Variants in RP1L1 observed in about 807,000 individuals in gnomAD.
The protein encoded by RP1L1 is retinitis pigmentosa 1-like 1 protein.
In RP1L1, 27 loss-of-function variants were observed where a neutral mutation model predicts 15.7. The observed-to-expected ratio is 1.72, with a 90% CI of 1.27 to 2.38. RP1L1 has a LOEUF of 2.38. Among genes scored for constraint, RP1L1 ranks in the 30% most tolerant of loss-of-function variants. The probability of loss-of-function intolerance (pLI) is 0.00; values close to 1 mark genes in which losing one functional copy is unlikely to be tolerated. For synonymous variants in RP1L1, 1,813 were observed against 1,276.7 expected, an observed-to-expected ratio of 1.42 and a Z score of -8.96; for missense variants, 4,798 against 3,075.9, an observed-to-expected ratio of 1.56 and a Z score of -13.24.
intron 1 of RP1L1, among the ~76,000 whole-genome samples, chr8:10,627,174 C>T (rs969613176): frequency 2.0e-5 from 3 of 152,106 alleles, no homozygotes; most frequent in Admixed American, 6.5e-5. Context: ...CAAAGGGATA[C>T]GTGTACACCC....
At position 10,610,462 on chromosome 8, in the gene RP1L1, C is replaced by G; in HGVS notation, c.3636G>C (p.Glu1212Asp). Residue 1212 changes from glutamate (E) to aspartate (D), a missense_variant, in exon 4 of 4, where the codon GAG becomes GAC. Glu to Asp is a conservative substitution (Grantham distance 45, BLOSUM62 2). Transcript: ENST00000382483. ...DISSGSGGSGESSVPCAMDGT... is the reference protein window; with the variant it reads ...DISSGSGGSGDSSVPCAMDGT... ...CGTCCATGGCACAGGGTACGCTACT[C>G]TCCCCTGAGCCTCCAGAGCCGCTGC... 1.2e-6 allele frequency: 2 copies of G among 1,613,772 alleles called. No homozygotes were observed. The highest frequency in any genetic ancestry group is 1.7e-6 in the Non-Finnish European group (2 of 1,179,994).
At chr8:10,647,141 C>A (rs755278575) in intron 1 of RP1L1, among the ~76,000 whole-genome samples, 1 of 152,182 alleles carries the variant, frequency 6.6e-6, no homozygotes, top group South Asian at 2.1e-4. Context: ...TCCACTGAGG[C>A]GCCACGGCAG....
At chr8:10,623,317 C>G in intron 1 of RP1L1, 97 bp from the exon 2 acceptor site, 1 of 890,506 alleles carries the variant, frequency 1.1e-6, no homozygotes, top group Non-Finnish European at 1.7e-6. Context: ...CTGCCCACCC[C>G]AAATGTGCTC....
At chr8:10,623,813 A>T (rs1050450675) in intron 1 of RP1L1, among the ~76,000 whole-genome samples, 1 of 150,174 alleles carries the variant, frequency 6.7e-6, no homozygotes, top group African/African-American at 2.5e-5. Flanking sequence ...CATTGCTGTG[A>T]CTCATTGTCA....
At chr8:10,638,780 T>G (rs1432536495) in intron 1 of RP1L1, among the ~76,000 whole-genome samples, 1 of 152,158 alleles carries the variant, frequency 6.6e-6, no homozygotes, top group African/African-American at 2.4e-5. Flanking sequence ...ACCCATTTGC[T>G]GCCCAGTGGA....
chr8:10,618,899 C>G (rs1356180077), intron 2 of RP1L1, among the ~76,000 whole-genome samples: 4 of 151,966 alleles, frequency 2.6e-5, no homozygotes, highest in Admixed American at 6.6e-5. Context: ...TGGAGTCCTG[C>G]TGTGTCACCC....
In RP1L1 at chr8:10,632,584, C is replaced by T. The variant is rs527996388; in HGVS notation, c.-19-9364G>A. Among the ~76,000 whole-genome samples, 432 of 152,314 alleles carry T rather than the reference C, an allele frequency of 2.8e-3. 1 individual carries two copies. Among genetic ancestry groups the T allele is most frequent in the African/African-American group, 9.8e-3 (407 of 41,580 alleles). Reference sequence around the variant, plus strand: ...CCTGCCAACTCACGGCCTGTAGAATCCCCGTGTGTTTACACGCCTTATTTC... The same window carrying T: ...CCTGCCAACTCACGGCCTGTAGAATTCCCGTGTGTTTACACGCCTTATTTC... On this transcript the variant is annotated intron_variant, in intron 1 of 3. Coordinates refer to ENST00000382483, the MANE Select transcript of RP1L1 (RefSeq NM_178857.6).
intron 1 of RP1L1, among the ~76,000 whole-genome samples, chr8:10,635,903 G>A (rs953659914): frequency 4.6e-5 from 7 of 152,226 alleles, no homozygotes; most frequent in African/African-American, 1.7e-4. Flanking sequence ...AAGATCCCCC[G>A]GGTCAGTCTA....
chr8:10,643,358 G>A (rs981734328), intron 1 of RP1L1, among the ~76,000 whole-genome samples: 1 of 152,108 alleles, frequency 6.6e-6, no homozygotes, highest in African/African-American at 2.4e-5. Context: ...AATTGTTTTA[G>A]TATCAGAATG....
rs1019982948 is a variant in RP1L1, at chr8:10,612,735, G to T, written c.1363C>A (p.Pro455Thr). 15 of 1,606,950 alleles carry T rather than the reference G, an allele frequency of 9.3e-6. No homozygotes were observed. Among genetic ancestry groups the T allele is most frequent in the Middle Eastern group, 1.7e-4 (1 of 6,052 alleles). Residue 455 changes from proline (P) to threonine (T), a missense_variant, in exon 4 of 4, where the codon CCA becomes ACA. Transcript: ENST00000382483. ...TCGGGGAGGCCGGTGCTGGAGGCTG[G>T]GCTGGCACTGTCCTGGCTGCATCTC... ...RERCSQDSAS[P>T]ASSTGLPEGS...
chr8:10,615,041 G>A (rs1350401406), intron 3 of RP1L1, among the ~76,000 whole-genome samples: 2 of 152,212 alleles, frequency 1.3e-5, no homozygotes, highest in Non-Finnish European at 2.9e-5. Context: ...CATCTGGGCA[G>A]AAGATGGCTT....
Position 10,610,517 on chromosome 8 carries a change from G to T in RP1L1, c.3581C>A (p.Thr1194Lys), listed in dbSNP as rs552391475. Residue 1194 changes from threonine to lysine, a missense_variant, in exon 4 of 4, where the codon ACG (threonine) becomes AAG (lysine). Coordinates refer to ENST00000382483, the MANE Select transcript of RP1L1 (RefSeq NM_178857.6). ...GTCCACACCAGAGGAGGATGTGGGC[G>T]TGAAGTTCTCCGTCATGGCATGGGA... ...LGSHAMTENF[T>K]PTSSSGVDIS... 1 of 1,613,784 alleles carries T rather than the reference G, an allele frequency of 6.2e-7. No homozygotes were observed. The highest frequency in any genetic ancestry group is 1.7e-5 in the Admixed American group (1 of 60,024).
Position 10,611,102 on chromosome 8 carries a change from GA to G in RP1L1, c.2995del (p.Ser999LeufsTer72). On this transcript the variant is annotated frameshift_variant, in exon 4 of 4. Coordinates refer to ENST00000382483, the MANE Select transcript of RP1L1 (RefSeq NM_178857.6). LOFTEE classifies it low-confidence loss of function (END_TRUNC). ...AGCTGGCTCCCCCAGGCCTTCCAGAGAATGGTCATCCCCAGGGTCCACCTCG... is the reference window on the plus strand; with the variant it reads ...AGCTGGCTCCCCCAGGCCTTCCAGAGATGGTCATCCCCAGGGTCCACCTCG... ...GPEVDPGDDH[S>X]LEGLGEPAQA... 6 of 1,612,902 alleles carry G rather than the reference GA, an allele frequency of 3.7e-6. No homozygotes were observed. Among genetic ancestry groups the G allele is most frequent in the Non-Finnish European group, 5.1e-6 (6 of 1,180,012 alleles).
At position 10,616,601 on chromosome 8, in the gene RP1L1, G is replaced by A. The variant is rs372152964; in HGVS notation, c.610-14C>T. On this transcript the variant is annotated splice_polypyrimidine_tract_variant and intron_variant, in intron 2 of 3. Coordinates refer to ENST00000382483, the MANE Select transcript of RP1L1 (RefSeq NM_178857.6). ...CAGCGAGTCCACCTGAGGGAGGAGC[G>A]GGCGGGGTCAGGAGGCCTGGGCTGC... The A allele has an allele frequency of 1.5e-5, 24 of 1,606,792 alleles. No individual in the cohort carries two copies. Among genetic ancestry groups the A allele is most frequent in the Middle Eastern group, 1.7e-4 (1 of 6,024 alleles).
chr8:10,642,020 G>C (rs1359320557), intron 1 of RP1L1, among the ~76,000 whole-genome samples: 2 of 152,118 alleles, frequency 1.3e-5, no homozygotes, highest in Non-Finnish European at 2.9e-5. Context: ...CTCTTGACCG[G>C]ATCAATGGTC....
chr8:10,647,724 T>C (rs1390294052), intron 1 of RP1L1, among the ~76,000 whole-genome samples: 1 of 152,262 alleles, frequency 6.6e-6, no homozygotes, highest in Non-Finnish European at 1.5e-5. Flanking sequence ...CCAGTGTTTG[T>C]GTTTATCCAT....
At chr8:10,651,692 G>C (rs1798564626) in intron 1 of RP1L1, among the ~76,000 whole-genome samples, 1 of 151,246 alleles carries the variant, frequency 6.6e-6, no homozygotes, top group Admixed American at 6.6e-5. Flanking sequence ...AGGAGGCGGA[G>C]GCTGCAGTGA....
chr8:10,632,588 G>A (rs1020031608), intron 1 of RP1L1, among the ~76,000 whole-genome samples: 16 of 152,138 alleles, frequency 1.1e-4, no homozygotes, highest in African/African-American at 3.4e-4. Context: ...TAGAATCCCC[G>A]TGTGTTTACA....
At chr8:10,649,340 T>C (rs1415995686) in intron 1 of RP1L1, among the ~76,000 whole-genome samples, 1 of 152,206 alleles carries the variant, frequency 6.6e-6, no homozygotes, top group Non-Finnish European at 1.5e-5. Flanking sequence ...TAGGACTATG[T>C]TCAATTTAGG....
Sources: allele counts gnomAD v4.1 joint callset (sites outside exome capture counted in the v4.1 genomes callset), GRCh38; gene constraint gnomAD v4.1.1; transcripts MANE v1.5; gene names NCBI Gene and HGNC (gene_info 2026-07-23, HGNC 2026-07-21).